The following SRC variants were observed in gnomAD, a reference collection of about 807,000 sequenced individuals.
SRC encodes the protein proto-oncogene tyrosine-protein kinase Src.
In SRC, 13 loss-of-function variants were observed where a neutral mutation model predicts 62.9. The observed-to-expected ratio is 0.21, with a 90% CI of 0.13 to 0.33. The LOEUF is 0.33. Ranked by LOEUF, SRC falls within the 10% of genes least tolerant of loss-of-function variation. The pLI is 1.00. For missense variants in SRC, 457 were observed against 737.3 expected, an observed-to-expected ratio of 0.62 and a Z score of 4.40; for synonymous variants, 302 against 317.5, an observed-to-expected ratio of 0.95 and a Z score of 0.52.
chr20:37,364,371 T>C (rs1390492578), intron 1 of SRC, among the ~76,000 whole-genome samples: 2 of 152,180 alleles, frequency 1.3e-5, no homozygotes, highest in African/African-American at 2.4e-5. Flanking sequence ...CTCGTAAGCA[T>C]GGTGCCCGCC....
At chr20:37,358,237 A>G (rs1340501836) in intron 1 of SRC, among the ~76,000 whole-genome samples, 2 of 152,128 alleles carry the variant, frequency 1.3e-5, no homozygotes, top group Admixed American at 1.3e-4. Context: ...AGTAGTTAGT[A>G]AGGATTTTGA....
chr20:37,355,092 C>T (rs979977901), intron 1 of SRC, among the ~76,000 whole-genome samples: 1 of 152,018 alleles, frequency 6.6e-6, no homozygotes, highest in Non-Finnish European at 1.5e-5. Flanking sequence ...GGGAGAGGAC[C>T]CCATAATGTG....
chr20:37,406,020 G>A lies in SRC; in HGVS notation c.*2641G>A, dbSNP rs2070821707. On this transcript the variant is annotated 3_prime_UTR_variant, in exon 14 of 14. Transcript: ENST00000373578. Reference sequence around the variant, plus strand: ...CGGAGTCAACTCTGGCCACGACATTGCTTAATTAAAAACAAATTTCAAAAA... The same window carrying A: ...CGGAGTCAACTCTGGCCACGACATTACTTAATTAAAAACAAATTTCAAAAA... The A allele has an allele frequency of 6.6e-6, 1 of 152,178 alleles. No individual in the cohort carries two copies. Among genetic ancestry groups the A allele is most frequent in the African/African-American group, 2.4e-5 (1 of 41,400 alleles). The allele number at this position is 152,178 out of a possible 1,614,324, so 9.4% of individuals were successfully genotyped here.
intron 10 of SRC, 107 bp downstream of exon 10, chr20:37,400,401 T>C (rs1445654728): frequency 1.9e-6 from 2 of 1,040,102 alleles, no homozygotes; most frequent in Admixed American, 6.0e-5. Context: ...AAAGGTGGAA[T>C]GCAGTAGAGC....
intron 2 of SRC, among the ~76,000 whole-genome samples, chr20:37,368,713 C>G (rs1256702066): frequency 2.0e-5 from 3 of 150,718 alleles, no homozygotes; most frequent in East Asian, 3.9e-4. Flanking sequence ...CCACTACGCC[C>G]GGCTATTTTT....
chr20:37,383,597 G>C (rs563267208), intron 3 of SRC: 4 of 153,540 alleles, frequency 2.6e-5, no homozygotes, highest in Non-Finnish European at 5.8e-5. Flanking sequence ...CATTTCTTCC[G>C]TTCCTGGCGC....
intron 2 of SRC, among the ~76,000 whole-genome samples, chr20:37,367,883 G>A (rs1220962136): frequency 2.0e-5 from 3 of 152,128 alleles, no homozygotes; most frequent in African/African-American, 7.2e-5. Flanking sequence ...GGCCTCAAGA[G>A]ATCCTCCTGT....
At chr20:37,373,207 TAC>T (rs558531661) in intron 2 of SRC, among the ~76,000 whole-genome samples, 1 of 147,014 alleles carries the variant, frequency 6.8e-6, no homozygotes, top group African/African-American at 2.7e-5. Flanking sequence ...TGTACATATC[TAC>T]ACACATGTAC....
intron 2 of SRC, among the ~76,000 whole-genome samples, chr20:37,377,263 C>T (rs564055756): frequency 3.3e-5 from 5 of 152,330 alleles, no homozygotes; most frequent in South Asian, 4.1e-4. Context: ...GACTCTCACT[C>T]GTACTTTTCA....
At chr20:37,393,054 G>T (rs1568640009) in intron 5 of SRC, among the ~76,000 whole-genome samples, 1 of 152,084 alleles carries the variant, frequency 6.6e-6, no homozygotes, top group African/African-American at 2.4e-5. Flanking sequence ...AGGCCCAGGG[G>T]ACCCGACCAC....
At chr20:37,378,615 G>A (rs1254022112) in intron 2 of SRC, among the ~76,000 whole-genome samples, 2 of 152,174 alleles carry the variant, frequency 1.3e-5, no homozygotes, top group Non-Finnish European at 2.9e-5. Context: ...TGTAATGGCT[G>A]CACTGCTGTC....
At position 37,404,535 on chromosome 20, in the gene SRC, C is replaced by T. The variant is rs2070794545; in HGVS notation, c.*1156C>T. On this transcript the variant is annotated 3_prime_UTR_variant, in exon 14 of 14. Coordinates refer to ENST00000373578, the MANE Select transcript of SRC (RefSeq NM_198291.3). Reference sequence around the variant, plus strand: ...CCCTGTTCTCCTCCCCAAGTCGGCACCCTTTAACTCATGAGGAGGGAAAAG... The same window carrying T: ...CCCTGTTCTCCTCCCCAAGTCGGCATCCTTTAACTCATGAGGAGGGAAAAG... 1 of 233,618 alleles carries T rather than the reference C, an allele frequency of 4.3e-6. No homozygotes were observed. The highest frequency in any genetic ancestry group is 1.8e-4 in the South Asian group (1 of 5,538). 14.5% of individuals were successfully genotyped at this position (233,618 alleles called of 1,614,324 possible).
At chr20:37,361,415 G>A (rs988493616) in intron 1 of SRC, among the ~76,000 whole-genome samples, 1 of 152,218 alleles carries the variant, frequency 6.6e-6, no homozygotes, top group African/African-American at 2.4e-5. Context: ...CCAGGGGCAG[G>A]CCACCTGCAG....
chr20:37,384,308 C>A lies in SRC; in HGVS notation c.155C>A (p.Ala52Glu). 6.8e-7 allele frequency: 1 copy of A among 1,470,236 alleles called. No individual in the cohort carries two copies. Among genetic ancestry groups the A allele is most frequent in the Non-Finnish European group, 9.0e-7 (1 of 1,117,254 alleles). The allele number at this position is 1,470,236 out of a possible 1,614,324, so 91.1% of individuals were successfully genotyped here. A position where few individuals can be genotyped will look rare whatever the true frequency, so the allele number is the denominator to read the frequency against. Residue 52 changes from alanine (A) to glutamate (E), a missense_variant, in exon 4 of 14, where the codon GCG (alanine) becomes GAG (glutamate). Coordinates refer to ENST00000373578, the MANE Select transcript of SRC (RefSeq NM_198291.3). The surrounding 1 kb of genome is among the most constrained non-coding windows in gnomAD (Gnocchi z 6.7). ...ASADGHRGPS[A>E]AFAPAAAEPK... Reference sequence around the variant, plus strand: ...GCCGACGGCCACCGCGGCCCCAGCGCGGCCTTCGCCCCCGCGGCCGCCGAG... The same window carrying A: ...GCCGACGGCCACCGCGGCCCCAGCGAGGCCTTCGCCCCCGCGGCCGCCGAG...
At chr20:37,345,774 T>C (rs1214749218), upstream of SRC, among the ~76,000 whole-genome samples, 4 of 149,012 alleles carry the variant, frequency 2.7e-5, no homozygotes, top group Admixed American at 6.6e-5. Context: ...TTATTACCAA[T>C]CGTGATTTCG....
intron 9 of SRC, 68 bp from the exon 10 acceptor site, chr20:37,400,047 G>C: frequency 6.8e-6 from 10 of 1,472,472 alleles, no homozygotes; most frequent in Non-Finnish European, 9.1e-6. Flanking sequence ...CAGGTGGGCA[G>C]ATCCTGGATC....
chr20:37,359,698 C>A (rs184254769), intron 1 of SRC, among the ~76,000 whole-genome samples: 1 of 152,208 alleles, frequency 6.6e-6, no homozygotes, highest in East Asian at 1.9e-4. Context: ...GGGAGGGCAC[C>A]TGAGCCATCT....
chr20:37,384,300 C>A lies in SRC; in HGVS notation c.147C>A (p.Gly49=). ...SKPASADGHR[G]PSAAFAPAAA... ...CAGCCTCGGCCGACGGCCACCGCGG[C>A]CCCAGCGCGGCCTTCGCCCCCGCGG... Residue 49 remains glycine, a synonymous_variant, in exon 4 of 14, where the codon GGC becomes GGA. Transcript: ENST00000373578. This position sits in a 1 kb window ranked among gnomAD's most constrained non-coding sequence, Gnocchi z 6.7. 1 of 1,483,152 alleles carries A rather than the reference C, an allele frequency of 6.7e-7. No homozygotes were observed. The allele number at this position is 1,483,152 out of a possible 1,614,324, so 91.9% of individuals were successfully genotyped here. A position where few individuals can be genotyped will look rare whatever the true frequency, so the allele number is the denominator to read the frequency against.
At chr20:37,364,363 C>T (rs1389003268) in intron 1 of SRC, among the ~76,000 whole-genome samples, 5 of 152,114 alleles carry the variant, frequency 3.3e-5, no homozygotes, top group Admixed American at 1.3e-4. Context: ...TCACTGAGCT[C>T]GTAAGCATGG....
Sources: gnomAD v4.1 joint callset for allele counts (sites outside exome capture counted in the v4.1 genomes callset) on GRCh38, gnomAD v4.1.1 for gene constraint, Gnocchi (gnomAD v3.1) non-coding constraint, MANE v1.5 for transcripts, NCBI Gene and HGNC (gene_info 2026-07-23, HGNC 2026-07-21) for gene names.